The following ARID2 variants were observed in gnomAD, a reference collection of about 807,000 sequenced individuals.
ARID2 encodes AT-rich interactive domain-containing protein 2.
A neutral mutation model predicts 184.6 loss-of-function variants in ARID2; 32 were observed. The ratio of observed to expected loss-of-function variants is 0.17; its 90% confidence interval spans 0.13 to 0.23. ARID2 has a LOEUF of 0.23. Ranked by LOEUF, ARID2 falls within the 10% of genes least tolerant of loss-of-function variation. The pLI, the probability that ARID2 is intolerant of heterozygous loss-of-function variation, is 1.00. For synonymous variants in ARID2, 836 were observed against 772.6 expected (o/e 1.08, Z -1.36); for missense variants, 1,696 against 2,197.6 (o/e 0.77, Z 4.56).
At position 45,904,759 on chromosome 12, in the gene ARID2, A is replaced by G. The variant is rs1944501819; in HGVS notation, c.5364-175A>G. Among the ~76,000 whole-genome samples the G allele has an allele frequency of 5.3e-5, 8 of 150,616 alleles. No homozygotes were observed. The South Asian group carries it at 1.7e-3, about 32-fold the overall frequency. ...AAACAGTAATAGTCAGCCTCAGTTT[A>G]TCCTTCTAGTTGTTTCCCAGATGCT... On this transcript the variant is annotated intron_variant, in intron 20 of 20. Coordinates refer to ENST00000334344, the MANE Select transcript of ARID2 (RefSeq NM_152641.4).
intron 3 of ARID2, among the ~76,000 whole-genome samples, chr12:45,806,234 G>A (rs1365310872): frequency 6.6e-6 from 1 of 151,958 alleles, no homozygotes; most frequent in African/African-American, 2.4e-5. Flanking sequence ...CGAGATGGTG[G>A]TTCTGGATAG....
At chr12:45,793,759 G>A (rs1454680600) in intron 3 of ARID2, among the ~76,000 whole-genome samples, 2 of 133,150 alleles carry the variant, frequency 1.5e-5, no homozygotes, top group Non-Finnish European at 3.2e-5. Flanking sequence ...TTTTTTTCTT[G>A]GCTTTTTATT....
intron 11 of ARID2, chr12:45,841,017 G>A (rs1943333799): frequency 6.6e-6 from 1 of 152,162 alleles, no homozygotes; most frequent in African/African-American, 2.4e-5. Flanking sequence ...GGAATCTTTG[G>A]TCAGAATATT....
chr12:45,737,165 C>G (rs185152834), intron 3 of ARID2, among the ~76,000 whole-genome samples: 2 of 152,236 alleles, frequency 1.3e-5, no homozygotes, highest in East Asian at 3.9e-4. Context: ...GAATGGAAGT[C>G]TCTTAGTGAT....
chr12:45,865,690 G>A (rs188080947), intron 16 of ARID2, among the ~76,000 whole-genome samples: 4 of 152,092 alleles, frequency 2.6e-5, no homozygotes, highest in Admixed American at 1.3e-4. Flanking sequence ...TTTTCCCTGT[G>A]TCAGTAATCT....
chr12:45,808,117 T>G (rs75304794), intron 3 of ARID2, among the ~76,000 whole-genome samples: 7,621 of 152,314 alleles, frequency 0.05, 622 homozygotes, highest in East Asian at 0.31. Flanking sequence ...GAGAAAGATG[T>G]GCAGTCTAGC....
chr12:45,814,375 C>T (rs922444923), intron 4 of ARID2, among the ~76,000 whole-genome samples: 1 of 152,122 alleles, frequency 6.6e-6, no homozygotes, highest in South Asian at 2.1e-4. Context: ...TATGGACGGG[C>T]GCGGTGTCTC....
At chr12:45,757,545 A>G (rs1001918678) in intron 3 of ARID2, among the ~76,000 whole-genome samples, 3 of 152,250 alleles carry the variant, frequency 2.0e-5, no homozygotes, top group African/African-American at 7.2e-5. Flanking sequence ...TTGCCCTTCT[A>G]GTTCTGGGAT....
intron 15 of ARID2, among the ~76,000 whole-genome samples, chr12:45,859,385 A>G (rs1476517352): frequency 2.0e-5 from 3 of 152,148 alleles, no homozygotes; most frequent in South Asian, 4.1e-4. Flanking sequence ...GTGGAAGTAC[A>G]CCGTATGGCA....
intron 3 of ARID2, among the ~76,000 whole-genome samples, chr12:45,774,972 G>A (rs923132527): frequency 2.0e-5 from 3 of 152,108 alleles, no homozygotes; most frequent in Non-Finnish European, 4.4e-5. Context: ...CATAGCTGGG[G>A]AGTGCTGCTG....
chr12:45,742,844 A>G (rs898097781), intron 3 of ARID2, among the ~76,000 whole-genome samples: 2 of 152,220 alleles, frequency 1.3e-5, no homozygotes, highest in Non-Finnish European at 2.9e-5. Context: ...CAATCAAAGA[A>G]TAAATGCACA....
intron 6 of ARID2, among the ~76,000 whole-genome samples, chr12:45,826,506 C>T (rs1223269003): frequency 6.6e-6 from 1 of 152,056 alleles, no homozygotes; most frequent in African/African-American, 2.4e-5. Flanking sequence ...TTGCAATGTC[C>T]TCGGCCCAAG....
chr12:45,802,544 G>C (rs1942524926), intron 3 of ARID2, among the ~76,000 whole-genome samples: 2 of 151,860 alleles, frequency 1.3e-5, no homozygotes, highest in Admixed American at 6.6e-5. Flanking sequence ...CGGGTAGATT[G>C]TCTTTATTGC....
intron 15 of ARID2, among the ~76,000 whole-genome samples, chr12:45,858,369 A>G (rs937706167): frequency 2.0e-5 from 3 of 149,394 alleles, no homozygotes; most frequent in East Asian, 3.9e-4. Flanking sequence ...TAAAAAAAAG[A>G]AAGAAAGAAA....
intron 15 of ARID2, among the ~76,000 whole-genome samples, chr12:45,857,104 C>G (rs1592125129): frequency 1.3e-5 from 2 of 152,130 alleles, no homozygotes; most frequent in South Asian, 2.1e-4. Context: ...TGAACATAAT[C>G]TGTTAGTTAT....
intron 16 of ARID2, among the ~76,000 whole-genome samples, chr12:45,862,248 G>C (rs1023139896): frequency 6.6e-6 from 1 of 152,054 alleles, no homozygotes; most frequent in Admixed American, 6.6e-5. Flanking sequence ...ATTGTTTTCA[G>C]TTATATATAT....
At chr12:45,887,522 A>G (rs1409446460) in intron 16 of ARID2, among the ~76,000 whole-genome samples, 1 of 152,206 alleles carries the variant, frequency 6.6e-6, no homozygotes, top group Non-Finnish European at 1.5e-5. Flanking sequence ...AAGAAACACA[A>G]TAGAATCCAA....
rs143500266 is a variant in ARID2, at chr12:45,828,113, G to A, written c.705+6626G>A. Among the ~76,000 whole-genome samples the A allele has an allele frequency of 8.4e-3, 1,269 of 151,944 alleles. 19 individuals are homozygous for A. Among genetic ancestry groups the A allele is most frequent in the South Asian group, 0.068 (325 of 4,812 alleles). ...ATAAAGTGAATACACTCATGTAATC[G>A]TTACCCAGATGAAGAATTAGAACAT... On this transcript the variant is annotated intron_variant, in intron 6 of 20. Transcript: ENST00000334344.
At chr12:45,837,878 A>T (rs1251585055) in intron 10 of ARID2, among the ~76,000 whole-genome samples, 171 bp downstream of exon 10, 1 of 152,142 alleles carries the variant, frequency 6.6e-6, no homozygotes, top group Admixed American at 6.5e-5. Flanking sequence ...AAATTCAGTG[A>T]TGGCTATTTT....
Sources: allele counts gnomAD v4.1 joint callset (sites outside exome capture counted in the v4.1 genomes callset), GRCh38; gene constraint gnomAD v4.1.1; transcripts MANE v1.5; gene names NCBI Gene and HGNC (gene_info 2026-07-23, HGNC 2026-07-21).